HDAC9: variants seen among roughly 807,000 people sequenced by gnomAD.
HDAC9 encodes the protein histone deacetylase 9.
In HDAC9, 41 loss-of-function variants were observed where a neutral mutation model predicts 139.4. The observed-to-expected ratio is 0.29, with a 90% CI of 0.23 to 0.38. The LOEUF is 0.38. HDAC9 is among the 10% of genes least tolerant of loss of function. HDAC9 has a pLI of 1.00. For synonymous variants in HDAC9, 517 were observed against 476.2 expected (o/e 1.09, Z -1.12); for missense variants, 1,147 against 1,297.0 (o/e 0.88, Z 1.78).
intron 11 of HDAC9, among the ~76,000 whole-genome samples, chr7:18,653,239 C>CAAAA (rs397971219): frequency 2.7e-4 from 22 of 82,254 alleles, no homozygotes; most frequent in African/African-American, 7.8e-4. Context: ...AACTCCATCT[C>CAAAA]AAAAAAAAAA....
intron 1 of HDAC9, among the ~76,000 whole-genome samples, chr7:18,130,533 ACAGTTCAAC>A: frequency 6.6e-6 from 1 of 152,242 alleles, no homozygotes; most frequent in Middle Eastern, 3.4e-3. Flanking sequence ...TACATATCAT[ACAGTTCAAC>A]CATTTAAAGC....
chr7:18,996,297 T>A lies in HDAC9; in HGVS notation c.*235T>A, dbSNP rs2074633. 2.6e-5 allele frequency: 11 copies of A among 426,686 alleles called. 1 individual carries two copies. Among genetic ancestry groups the A allele is most frequent in the Admixed American group, 1.6e-4 (4 of 24,866 alleles). 26.4% of individuals were successfully genotyped at this position (426,686 alleles called of 1,614,324 possible). A position where few individuals can be genotyped will look rare whatever the true frequency, so the allele number is the denominator to read the frequency against. On this transcript the variant is annotated 3_prime_UTR_variant, in exon 26 of 26. Transcript: ENST00000686413. ...ATTCTAGAGTTACAGTAAACCACGA[T>A]TGGAAGAAACTGCTTCCAGCATGCT... is the stretch of plus-strand genomic sequence containing the variant.
intron 21 of HDAC9, among the ~76,000 whole-genome samples, chr7:18,864,779 C>T (rs778195644): frequency 9.9e-5 from 15 of 152,104 alleles, no homozygotes; most frequent in East Asian, 1.9e-4. Context: ...TACTGTTTCA[C>T]GGTTACAGAG....
chr7:18,914,364 T>G (rs1277691614), intron 22 of HDAC9, among the ~76,000 whole-genome samples: 2 of 151,806 alleles, frequency 1.3e-5, no homozygotes, highest in African/African-American at 4.8e-5. Flanking sequence ...TTTCAGGTTT[T>G]CAATGTGGAA....
chr7:18,879,055 C>A (rs922140068), intron 22 of HDAC9, among the ~76,000 whole-genome samples: 1 of 152,072 alleles, frequency 6.6e-6, no homozygotes. Context: ...CAATCCCATT[C>A]ACAACTGTCA....
chr7:18,513,018 A>G lies in HDAC9; in HGVS notation c.22+16694A>G, dbSNP rs561231177. On this transcript the variant is annotated intron_variant, in intron 2 of 25. Coordinates refer to ENST00000686413, the MANE Select transcript of HDAC9 (RefSeq NM_178425.4). ...ATGACAGAGTTTGCATCACAAATCA[A>G]TGGAAAGAGGACAAACTGTTAATTA... Among the ~76,000 whole-genome samples the G allele has an allele frequency of 3.9e-5, 6 of 152,376 alleles. No individual in the cohort carries two copies. In the South Asian group the frequency reaches 8.3e-4, roughly 21 times the overall value.
At chr7:18,170,756 A>C (rs2128133328) in intron 2 of HDAC9, among the ~76,000 whole-genome samples, 1 of 152,224 alleles carries the variant, frequency 6.6e-6, no homozygotes, top group South Asian at 2.1e-4. Flanking sequence ...AGATGGTTGT[A>C]GATGTGTGGT....
At chr7:18,901,723 A>G (rs1228478947) in intron 22 of HDAC9, among the ~76,000 whole-genome samples, 4 of 152,328 alleles carry the variant, frequency 2.6e-5, no homozygotes, top group African/African-American at 7.2e-5. Flanking sequence ...TGAACATCCA[A>G]TAGGATTGTT....
At chr7:18,760,824 G>A (rs1201750917) in intron 14 of HDAC9, among the ~76,000 whole-genome samples, 3 of 152,220 alleles carry the variant, frequency 2.0e-5, no homozygotes, top group Non-Finnish European at 4.4e-5. Context: ...GAAATTGTCA[G>A]ATATTGAAGT....
chr7:18,449,798 A>C (rs781499828), intron 1 of HDAC9, among the ~76,000 whole-genome samples: 4 of 152,252 alleles, frequency 2.6e-5, no homozygotes, highest in Middle Eastern at 3.4e-3. Flanking sequence ...GTCTTCCTCA[A>C]GTTTATTATA....
At chr7:18,727,143 T>A (rs1785611763) in intron 12 of HDAC9, among the ~76,000 whole-genome samples, 1 of 152,228 alleles carries the variant, frequency 6.6e-6, no homozygotes, top group South Asian at 2.1e-4. Context: ...TTCACTGAAA[T>A]AAATTCAGGA....
intron 2 of HDAC9, among the ~76,000 whole-genome samples, chr7:18,272,276 C>G (rs1438687111): frequency 6.6e-6 from 1 of 152,104 alleles, no homozygotes; most frequent in African/African-American, 2.4e-5. Context: ...ATCATTCAGC[C>G]TCCTGAATGT....
intron 1 of HDAC9, among the ~76,000 whole-genome samples, chr7:18,093,313 G>A (rs1782287960): frequency 6.6e-6 from 1 of 152,196 alleles, no homozygotes; most frequent in Non-Finnish European, 1.5e-5. Context: ...AGAGCCTGAA[G>A]TCTTGTAGTA....
chr7:18,585,450 G>A lies in HDAC9; in HGVS notation c.192G>A (p.Leu64=), dbSNP rs756450396. ...QQQQQIQKQL[L]IAEFQKQHEN... ...AGCAACAAATCCAGAAGCAGCTTCT[G>A]ATAGCAGAGTTTCAGAAACAGCATG... Residue 64 remains leucine, a synonymous_variant, in exon 3 of 26, where the codon CTG becomes CTA. Coordinates refer to ENST00000686413, the MANE Select transcript of HDAC9 (RefSeq NM_178425.4). 2 of 1,613,946 alleles carry A rather than the reference G, an allele frequency of 1.2e-6. No homozygotes were observed. The highest frequency in any genetic ancestry group is 1.7e-6 in the Non-Finnish European group (2 of 1,179,888).
At chr7:18,712,629 A>C (rs1784427292) in intron 12 of HDAC9, among the ~76,000 whole-genome samples, 1 of 152,226 alleles carries the variant, frequency 6.6e-6, no homozygotes, top group Non-Finnish European at 1.5e-5. Flanking sequence ...GAGGATAAAC[A>C]ATGCCAGTAA....
intron 22 of HDAC9, among the ~76,000 whole-genome samples, chr7:18,912,516 T>A (rs1431751795): frequency 6.6e-6 from 1 of 152,050 alleles, no homozygotes; most frequent in African/African-American, 2.4e-5. Flanking sequence ...TGCTCTCAAA[T>A]GGAGGTGATT....
At chr7:18,748,656 T>C (rs1788184206) in intron 13 of HDAC9, among the ~76,000 whole-genome samples, 1 of 152,228 alleles carries the variant, frequency 6.6e-6, no homozygotes, top group Non-Finnish European at 1.5e-5. Flanking sequence ...AATTAAATTA[T>C]CTGCCTAAAA....
At chr7:18,809,100 C>G (rs1235861144) in intron 17 of HDAC9, among the ~76,000 whole-genome samples, 2 of 151,988 alleles carry the variant, frequency 1.3e-5, no homozygotes, top group Non-Finnish European at 2.9e-5. Flanking sequence ...AAAGGATAAT[C>G]TCTTCAACAA....
chr7:18,164,973 A>T (rs560962617), intron 2 of HDAC9, among the ~76,000 whole-genome samples: 1 of 152,344 alleles, frequency 6.6e-6, no homozygotes, highest in African/African-American at 2.4e-5. Flanking sequence ...ACAAGCACTA[A>T]AACATAGTTT....
Sources: allele counts gnomAD v4.1 joint callset (sites outside exome capture counted in the v4.1 genomes callset), GRCh38; gene constraint gnomAD v4.1.1; transcripts MANE v1.5; gene names NCBI Gene and HGNC (gene_info 2026-07-23, HGNC 2026-07-21).